Variants in PIK3IP1 observed in about 807,000 individuals in gnomAD.
PIK3IP1 encodes phosphoinositide-3-kinase-interacting protein 1.
Under a neutral mutation model 30.7 loss-of-function variants are expected in PIK3IP1, and 28 were observed. The observed-to-expected ratio is 0.91, with a 90% CI of 0.68 to 1.25. The LOEUF is 1.25. PIK3IP1 is among the 50% of genes most tolerant of loss of function. The pLI, the probability that PIK3IP1 is intolerant of heterozygous loss-of-function variation, is 0.00. For synonymous variants in PIK3IP1, 159 were observed against 140.8 expected (o/e 1.13, Z -0.91); for missense variants, 333 against 346.2 (o/e 0.96, Z 0.30).
chr22:31,289,456 C>T (rs1315394994), intron 4 of PIK3IP1, 43 bp downstream of exon 4: 2 of 1,556,168 alleles, frequency 1.3e-6, no homozygotes, highest in East Asian at 2.3e-5. Context: ...AATGACATCT[C>T]TTGATGAATC....
chr22:31,291,163 C>A lies in PIK3IP1; in HGVS notation c.187+17G>T, dbSNP rs1343648912. 1.7e-5 allele frequency: 26 copies of A among 1,540,214 alleles called. No individual in the cohort carries two copies. The highest frequency in any genetic ancestry group is 2.2e-5 in the Non-Finnish European group (25 of 1,143,282). The stretch of plus-strand genomic sequence containing the variant: ...GCCGCCCGCCAGCCCCGGGGCCGTC[C>A]CCCGGAGGACACTTACCCGACACGG... On this transcript the variant is annotated intron_variant, in intron 2 of 5. Coordinates refer to ENST00000215912, the MANE Select transcript of PIK3IP1 (RefSeq NM_052880.5).
At chr22:31,289,280 T>G (rs1479544892) in intron 5 of PIK3IP1, 35 bp downstream of exon 5, 1 of 1,607,966 alleles carries the variant, frequency 6.2e-7, no homozygotes, top group Non-Finnish European at 8.5e-7. Context: ...CTTCCTCCCC[T>G]CCTCCTAAGA....
In PIK3IP1 at chr22:31,282,903, T is replaced by C. The variant is rs1402316933; in HGVS notation, c.*181A>G. The C allele has an allele frequency of 1.7e-6, 1 of 597,678 alleles. No individual in the cohort carries two copies. The highest frequency in any genetic ancestry group is 3.0e-6 in the Non-Finnish European group (1 of 336,664). The allele number at this position is 597,678 out of a possible 1,614,324, so 37.0% of individuals were successfully genotyped here. On this transcript the variant is annotated 3_prime_UTR_variant, in exon 6 of 6. Coordinates refer to ENST00000215912, the MANE Select transcript of PIK3IP1 (RefSeq NM_052880.5). Reference sequence around the variant, plus strand: ...TGGACAAGGAGCACTGTTAGGACCCTACCCAGCCTTACCCTCAGCCCACAG... The same window carrying C: ...TGGACAAGGAGCACTGTTAGGACCCCACCCAGCCTTACCCTCAGCCCACAG...
chr22:31,287,487 C>T (rs1482865223), intron 5 of PIK3IP1, among the ~76,000 whole-genome samples: 2 of 151,548 alleles, frequency 1.3e-5, no homozygotes, highest in East Asian at 1.9e-4. Context: ...CCCGCCACCA[C>T]GCCTGGCTAA....
Position 31,289,334 on chromosome 22 carries a change from A to G in PIK3IP1, c.568T>C (p.Leu190=). Residue 190 remains leucine, a synonymous_variant, in exon 5 of 6, where the codon TTG becomes CTG. Transcript: ENST00000215912. The part of the protein sequence containing the change: ...IIIAIGAGII[L]GYSYKRGKDL... ...ACTGACCTCTTGTAGGAGTAGCCCA[A>G]GATGATGCCAGCTCCGATGGCAATG... is the stretch of plus-strand genomic sequence containing the variant. The G allele has an allele frequency of 6.2e-7, 1 of 1,614,086 alleles. No individual in the cohort carries two copies. The highest frequency in any genetic ancestry group is 1.1e-5 in the South Asian group (1 of 91,060).
Position 31,283,269 on chromosome 22 carries a change from G to A in PIK3IP1, c.607C>T (p.Gln203Ter), listed in dbSNP as rs1219747858. The A allele has an allele frequency of 6.2e-7, 1 of 1,613,434 alleles. No homozygotes were observed. Among genetic ancestry groups the A allele is most frequent in the South Asian group, 1.1e-5 (1 of 91,074 alleles). ...SYKRGKDLKE[Q>*]HDQKVCEREM... Reference sequence around the variant, plus strand: ...CTCTCACATACTTTCTGATCATGCTGTTCTTTCAAATCCTTCCCCCTGGCA... The same window carrying A: ...CTCTCACATACTTTCTGATCATGCTATTCTTTCAAATCCTTCCCCCTGGCA... The change falls in exon 6 of 6, where the codon CAG becomes TAG. Residue 203 changes from glutamine to a stop codon, truncating the protein, a stop_gained. Coordinates refer to ENST00000215912, the MANE Select transcript of PIK3IP1 (RefSeq NM_052880.5). LOFTEE classifies it high-confidence loss of function.
Position 31,291,094 on chromosome 22 carries a change from G to A in PIK3IP1, c.188-10C>T, listed in dbSNP as rs550958958. 1.6e-4 allele frequency: 250 copies of A among 1,549,070 alleles called. No individual in the cohort carries two copies. The African/African-American group carries it at 3.0e-3, about 19-fold the overall frequency. On this transcript the variant is annotated splice_polypyrimidine_tract_variant and intron_variant, in intron 2 of 5. Transcript: ENST00000215912. ...CTGTGATTGCCGGCCCCTAAGAGAGGAGAGAAGGAAATGTGTGCCGGGGCT... is the reference window on the plus strand; with the variant it reads ...CTGTGATTGCCGGCCCCTAAGAGAGAAGAGAAGGAAATGTGTGCCGGGGCT...
intron 5 of PIK3IP1, 105 bp downstream of exon 5, chr22:31,289,209 CT>C (rs1226464157): frequency 8.9e-7 from 1 of 1,124,778 alleles, no homozygotes; most frequent in East Asian, 2.5e-5. Flanking sequence ...ACATCTTGAG[CT>C]GATTTTCAAC....
intron 5 of PIK3IP1, among the ~76,000 whole-genome samples, chr22:31,287,141 C>T (rs549286431): frequency 6.6e-6 from 1 of 150,740 alleles, no homozygotes; most frequent in South Asian, 2.1e-4. Context: ...TCTCAGCCTC[C>T]TTAGTAACTA....
chr22:31,292,396 C>G lies in PIK3IP1; in HGVS notation c.-52G>C. 1 of 1,568,412 alleles carries G rather than the reference C, an allele frequency of 6.4e-7. No homozygotes were observed. Among genetic ancestry groups the G allele is most frequent in the Non-Finnish European group, 8.8e-7 (1 of 1,138,866 alleles). On this transcript the variant is annotated 5_prime_UTR_variant, in exon 1 of 6. Transcript: ENST00000215912. ...TTGAACGACCAGTGTTTAACCGAGG[C>G]CCCCTTGGCGGCGGCTCTGCCTCCC...
At position 31,282,423 on chromosome 22, in the gene PIK3IP1, T is replaced by C. The variant is rs955825122; in HGVS notation, c.*661A>G. On this transcript the variant is annotated 3_prime_UTR_variant, in exon 6 of 6. Coordinates refer to ENST00000215912, the MANE Select transcript of PIK3IP1 (RefSeq NM_052880.5). Reference sequence around the variant, plus strand: ...TCCTCTTCCTAAGTGGAATGCTCAGTGCAATTCTTCCTTTCCTTATGAAAC... The same window carrying C: ...TCCTCTTCCTAAGTGGAATGCTCAGCGCAATTCTTCCTTTCCTTATGAAAC... 1 of 152,718 alleles carries C rather than the reference T, an allele frequency of 6.5e-6. No homozygotes were observed. The highest frequency in any genetic ancestry group is 2.4e-5 in the African/African-American group (1 of 41,444). 9.5% of individuals were successfully genotyped at this position (152,718 alleles called of 1,614,324 possible).
rs2049157218 is a variant in PIK3IP1, at chr22:31,289,509, C to G, written c.498G>C (p.Leu166=). ...GGGGGACCGTCATACCCAGAGTTCC[C>G]AGGTCCTTTTTCTCCTTGGAGTTCA... ...VRMNSKEKKD[L]GTLGYVLGIT... is the part of the protein sequence containing the mutation. The change falls in exon 4 of 6, where the codon CTG becomes CTC. Residue 166 remains leucine, a synonymous_variant. Coordinates refer to ENST00000215912, the MANE Select transcript of PIK3IP1 (RefSeq NM_052880.5). The G allele has an allele frequency of 6.5e-7, 1 of 1,534,790 alleles. No individual in the cohort carries two copies. The highest frequency in any genetic ancestry group is 1.4e-5 in the African/African-American group (1 of 73,062).
At chr22:31,285,837 A>G (rs1240764165) in intron 5 of PIK3IP1, among the ~76,000 whole-genome samples, 2 of 152,206 alleles carry the variant, frequency 1.3e-5, no homozygotes, top group Non-Finnish European at 2.9e-5. Context: ...TCCTCACTGT[A>G]AAATCTAACA....
intron 2 of PIK3IP1, 39 bp from the exon 3 acceptor site, chr22:31,291,123 ACCGGGAACGCGGC>A: frequency 6.5e-7 from 1 of 1,538,492 alleles, no homozygotes; most frequent in East Asian, 2.5e-5. Context: ...CGGGGCTGGC[ACCGGGAACGCGGC>A]CGCCGCCCGC....
At chr22:31,291,441 C>T (rs2049178096) in intron 1 of PIK3IP1, 145 bp from the exon 2 acceptor site, 1 of 708,346 alleles carries the variant, frequency 1.4e-6, no homozygotes, top group African/African-American at 1.8e-5. Flanking sequence ...TCCCTCTCCT[C>T]TCGTGGCAAC....
At chr22:31,288,023 T>C (rs1004693459) in intron 5 of PIK3IP1, among the ~76,000 whole-genome samples, 2 of 152,144 alleles carry the variant, frequency 1.3e-5, no homozygotes, top group Admixed American at 6.5e-5. Context: ...CTACAAGGCC[T>C]TTAAAGATGC....
chr22:31,286,631 A>G (rs879288424), intron 5 of PIK3IP1, among the ~76,000 whole-genome samples: 5 of 152,222 alleles, frequency 3.3e-5, no homozygotes, highest in African/African-American at 9.7e-5. Flanking sequence ...CAAATCTAGA[A>G]GAAAAAAGAC....
chr22:31,292,291 T>C lies in PIK3IP1; in HGVS notation c.54A>G (p.Glu18=), dbSNP rs761490261. ...TAATCTCACCTCCAGATCCATAGGC[T>C]TCTGCTAGGAGCATGTTGCTGACGA... ...AFLVSNMLLA[E]AYGSGGCFWD... The change falls in exon 1 of 6, where the codon GAA becomes GAG. Residue 18 remains glutamate (E), a synonymous_variant. Transcript: ENST00000215912. The C allele has an allele frequency of 6.2e-7, 1 of 1,614,164 alleles. No homozygotes were observed. The highest frequency in any genetic ancestry group is 1.1e-5 in the South Asian group (1 of 91,084).
At position 31,289,024 on chromosome 22, in the gene PIK3IP1, T is replaced by G. The variant is rs116907151; in HGVS notation, c.587+291A>C. ...TGCTATCAAAAGAGCTGGGTCTGAA[T>G]CCAGGTTCTGCCACTCCTAGGCTAT... On this transcript the variant is annotated intron_variant, in intron 5 of 5. Coordinates refer to ENST00000215912, the MANE Select transcript of PIK3IP1 (RefSeq NM_052880.5). 5.4e-3 allele frequency: 2,830 copies of G among 526,696 alleles called. 45 individuals carry two copies. The highest frequency in any genetic ancestry group is 0.034 in the East Asian group (1,132 of 32,918). 32.6% of individuals were successfully genotyped at this position (526,696 alleles called of 1,614,324 possible).
Sources: gnomAD v4.1 joint callset for allele counts (sites outside exome capture counted in the v4.1 genomes callset) on GRCh38, gnomAD v4.1.1 for gene constraint, MANE v1.5 for transcripts, NCBI Gene and HGNC (gene_info 2026-07-23, HGNC 2026-07-21) for gene names.